Variants in GDA observed in about 807,000 individuals in gnomAD.
GDA encodes guanine deaminase.
GDA carries 18 observed loss-of-function variants against 59.6 expected under a neutral mutation model. That is an observed-to-expected ratio of 0.30 (90% CI 0.21 to 0.45). The LOEUF (loss-of-function observed/expected upper bound fraction) is 0.45, where lower values mean the gene tolerates loss of function less well. Ranked by LOEUF, GDA falls within the 20% of genes least tolerant of loss-of-function variation. The pLI, the probability that GDA is intolerant of heterozygous loss-of-function variation, is 1.00. For synonymous variants in GDA, 201 were observed against 201.1 expected (o/e 1.00, Z 0.00); for missense variants, 427 against 552.3 (o/e 0.77, Z 2.27).
At chr9:72,121,487 C>A (rs1825658845) in intron 1 of GDA, among the ~76,000 whole-genome samples, 1 of 152,186 alleles carries the variant, frequency 6.6e-6, no homozygotes, top group Admixed American at 6.6e-5. Flanking sequence ...ATCCCAGCTA[C>A]TCGGGAGGCT....
At chr9:72,134,779 AAAG>A (rs1469279657) in intron 1 of GDA, among the ~76,000 whole-genome samples, 3 of 152,180 alleles carry the variant, frequency 2.0e-5, no homozygotes, top group Non-Finnish European at 2.9e-5. Context: ...GTTGGGTAAA[AAAG>A]AGTACATAGA....
intron 1 of GDA, among the ~76,000 whole-genome samples, chr9:72,125,347 CCTCT>C (rs1157853095): frequency 7.6e-6 from 1 of 132,098 alleles, no homozygotes; most frequent in South Asian, 2.9e-4. Flanking sequence ...TCCCTTCCTT[CCTCT>C]CTCTCTCTCT....
At chr9:72,169,179 A>G (rs557843084) in intron 1 of GDA, among the ~76,000 whole-genome samples, 12 of 152,232 alleles carry the variant, frequency 7.9e-5, no homozygotes, top group Non-Finnish European at 1.6e-4. Flanking sequence ...CTTTAGAAGC[A>G]GGTGAAATAG....
intron 12 of GDA, among the ~76,000 whole-genome samples, chr9:72,245,726 G>T (rs1382013359): frequency 6.6e-6 from 1 of 152,222 alleles, no homozygotes; most frequent in African/African-American, 2.4e-5. Context: ...TGATTAGTAG[G>T]TAGAGTTTGG....
intron 1 of GDA, among the ~76,000 whole-genome samples, chr9:72,126,111 T>A (rs1176139604): frequency 3.9e-5 from 6 of 151,968 alleles, no homozygotes; most frequent in African/African-American, 1.4e-4. Context: ...ACAGACGGGG[T>A]TTCACCATGT....
intron 1 of GDA, among the ~76,000 whole-genome samples, chr9:72,163,630 C>G (rs895119446): frequency 6.6e-6 from 1 of 152,000 alleles, no homozygotes; most frequent in African/African-American, 2.4e-5. Flanking sequence ...GTAGCTGGGA[C>G]TACAGGTGCC....
intron 8 of GDA, among the ~76,000 whole-genome samples, chr9:72,226,979 G>A (rs1298683197): frequency 2.0e-5 from 3 of 152,078 alleles, no homozygotes; most frequent in Admixed American, 6.5e-5. Context: ...TTAGCCAGGC[G>A]TGGTGGCAGG....
intron 11 of GDA, among the ~76,000 whole-genome samples, chr9:72,242,780 C>T (rs1252514741): frequency 1.3e-5 from 2 of 152,198 alleles, no homozygotes; most frequent in Admixed American, 6.5e-5. Context: ...CAACCTTTCA[C>T]CCACACCACC....
intron 1 of GDA, 78 bp downstream of exon 1, chr9:72,149,760 G>C: frequency 7.0e-7 from 1 of 1,436,562 alleles, no homozygotes; most frequent in Non-Finnish European, 9.2e-7. Context: ...GCTTCGCGTA[G>C]CCCGGGGTTC....
chr9:72,186,022 A>G lies in GDA; in HGVS notation c.124-9478A>G, dbSNP rs145276914. Among the ~76,000 whole-genome samples, 59 of 152,242 alleles carry G rather than the reference A, an allele frequency of 3.9e-4. 2 individuals carry two copies. The highest frequency in any genetic ancestry group is 1.3e-3 in the African/African-American group (52 of 41,554). ...AAACTTGGTTTTTAATGACTTGTGT[A>G]TATGCTTAACAGCCCACCTAGAGTG... On this transcript the variant is annotated intron_variant, in intron 1 of 13. Transcript: ENST00000358399.
chr9:72,204,114 C>T (rs955217168), intron 3 of GDA, among the ~76,000 whole-genome samples: 29 of 152,122 alleles, frequency 1.9e-4, no homozygotes, highest in Admixed American at 1.6e-3. Flanking sequence ...CGCGCCCGGC[C>T]GAGCAAGTGC....
At chr9:72,187,752 G>C (rs186436620) in intron 1 of GDA, among the ~76,000 whole-genome samples, 11 of 152,268 alleles carry the variant, frequency 7.2e-5, no homozygotes, top group Non-Finnish European at 1.2e-4. Context: ...GAGAAGACTG[G>C]GGAAAGTTTT....
chr9:72,171,352 T>C (rs1829953028), intron 1 of GDA, among the ~76,000 whole-genome samples: 1 of 152,248 alleles, frequency 6.6e-6, no homozygotes, highest in Non-Finnish European at 1.5e-5. Context: ...TTTATTTCTT[T>C]AAGCATACCA....
At chr9:72,201,312 A>G (rs1833979181) in intron 2 of GDA, among the ~76,000 whole-genome samples, 1 of 152,136 alleles carries the variant, frequency 6.6e-6, no homozygotes, top group African/African-American at 2.4e-5. Flanking sequence ...CTGCCCACAG[A>G]TGAGATGATG....
chr9:72,146,554 AAT>A, upstream of GDA, among the ~76,000 whole-genome samples: 1 of 151,914 alleles, frequency 6.6e-6, no homozygotes, highest in East Asian at 1.9e-4. Context: ...GCAGTGGTTC[AAT>A]CCTGGCTCAC....
intron 9 of GDA, 35 bp from the exon 10 acceptor site, chr9:72,231,079 G>T (rs1331221401): frequency 2.5e-6 from 3 of 1,216,050 alleles, no homozygotes; most frequent in Non-Finnish European, 3.7e-6. Flanking sequence ...GGAACCACAT[G>T]GATCTCCTTG....
intron 1 of GDA, among the ~76,000 whole-genome samples, chr9:72,129,467 A>G (rs1272872674): frequency 6.6e-6 from 1 of 152,178 alleles, no homozygotes; most frequent in African/African-American, 2.4e-5. Flanking sequence ...AACTGTTTCT[A>G]CAGTCCAAGT....
At chr9:72,135,536 C>T (rs1012236616) in intron 1 of GDA, among the ~76,000 whole-genome samples, 1 of 152,128 alleles carries the variant, frequency 6.6e-6, no homozygotes, top group African/African-American at 2.4e-5. Flanking sequence ...CCTCTCCTAT[C>T]TTCACCTAAC....
intron 10 of GDA, among the ~76,000 whole-genome samples, chr9:72,231,585 G>A (rs763579308): frequency 1.6e-4 from 24 of 151,534 alleles, no homozygotes; most frequent in Non-Finnish European, 2.7e-4. Context: ...AAAGGAAATT[G>A]TATGCAAAGG....
Sources: allele counts gnomAD v4.1 joint callset (sites outside exome capture counted in the v4.1 genomes callset), GRCh38; gene constraint gnomAD v4.1.1; transcripts MANE v1.5; gene names NCBI Gene and HGNC (gene_info 2026-07-23, HGNC 2026-07-21).